Variants in NHSL2 observed in about 807,000 individuals in gnomAD.
The protein encoded by NHSL2 is NHS-like protein 2.
NHSL2 carries 27 observed loss-of-function variants against 53.4 expected under a neutral mutation model. The ratio of observed to expected loss-of-function variants is 0.51; its 90% CI spans 0.37 to 0.70. The LOEUF is 0.70. Among genes scored for constraint, NHSL2 ranks in the 30% least tolerant of loss-of-function variants. The probability of loss-of-function intolerance (pLI) is 0.00; values close to 1 mark genes in which losing one functional copy is unlikely to be tolerated. For synonymous variants in NHSL2, 408 were observed against 404.1 expected, an observed-to-expected ratio of 1.01 and a Z score of -0.12; for missense variants, 892 against 980.1, an observed-to-expected ratio of 0.91 and a Z score of 1.20.
chrX:72,069,378 C>T (rs2042452166), intron 1 of NHSL2, among the ~76,000 whole-genome samples: 1 of 91,323 alleles, frequency 1.1e-5, no homozygotes, highest in African/African-American at 4.4e-5. Flanking sequence ...GAGCACTGAG[C>T]AAGGGGGAGG....
chrX:71,989,348 C>CAAA (rs10625546), intron 1 of NHSL2, among the ~76,000 whole-genome samples: 7,644 of 53,393 alleles, frequency 0.14, 1,280 homozygotes, highest in African/African-American at 0.36. Flanking sequence ...GACTCCGTCT[C>CAAA]AAAAAAAAAA....
At position 72,138,630 on chromosome X, in the gene NHSL2, G is replaced by T; in HGVS notation, c.1082G>T (p.Gly361Val). 2 of 1,170,128 alleles carry T rather than the reference G, an allele frequency of 1.7e-6. No homozygotes were observed. Among genetic ancestry groups the T allele is most frequent in the Non-Finnish European group, 2.3e-6 (2 of 873,541 alleles). ...GACGAACCTCACCAGGCACGGAGTGGCCCAAACCCTCCTGGCATGGAGAGC... is the reference window on the plus strand; with the variant it reads ...GACGAACCTCACCAGGCACGGAGTGTCCCAAACCCTCCTGGCATGGAGAGC... ...EPDEPHQARS[G>V]PNPPGMESMG... Residue 361 changes from glycine (G) to valine (V), a missense_variant, in exon 6 of 8, where the codon GGC becomes GTC. Coordinates refer to ENST00000633930, the MANE Select transcript of NHSL2 (RefSeq NM_001013627.3).
rs10527333 is a variant in NHSL2, at chrX:71,951,005, T to TACACACACACACACACACACACACAC, written c.280+39648_280+39673dup. Among the ~76,000 whole-genome samples, 75 of 89,758 alleles carry TACACACACACACACACACACACACAC rather than the reference T, an allele frequency of 8.4e-4. 1 individual carries two copies. Among genetic ancestry groups the TACACACACACACACACACACACACAC allele is most frequent in the African/African-American group, 2.9e-3 (69 of 23,449 alleles). The allele number at this position is 89,758 out of a possible 115,157, so 77.9% of individuals were successfully genotyped here. On this transcript the variant is annotated intron_variant, in intron 1 of 7. Coordinates refer to ENST00000633930, the MANE Select transcript of NHSL2 (RefSeq NM_001013627.3). ...CATATTTGGACCCCAAAATACAAAA[T>TACACACACACACACACACACACACAC]ACACACACACACACACACACACACA... is the stretch of plus-strand genomic sequence containing the variant.
In NHSL2 at chrX:72,128,019, T is replaced by C. The variant is rs374553174; in HGVS notation, c.281-4060T>C. 3.6e-5 allele frequency: 4 copies of C among 112,558 alleles called. No individual in the cohort carries two copies. The East Asian group carries it at 1.1e-3, about 31-fold the overall frequency. The allele number at this position is 112,558 out of a possible 1,213,427, so 9.3% of individuals were successfully genotyped here. The stretch of plus-strand genomic sequence containing the variant: ...TTTTTGTCCTCATAGTTTTCTCTAT[T>C]TTCCAAACTTTCTTTAATGATTATG... On this transcript the variant is annotated intron_variant, in intron 1 of 7. Transcript: ENST00000633930.
chrX:72,102,105 T>C (rs938660558), intron 1 of NHSL2, among the ~76,000 whole-genome samples: 4 of 112,609 alleles, frequency 3.6e-5, no homozygotes, highest in African/African-American at 1.3e-4. Context: ...AGTAGCATTC[T>C]CTTGGACGGA....
At chrX:72,047,740 C>T (rs182357496) in intron 1 of NHSL2, among the ~76,000 whole-genome samples, 2 of 111,824 alleles carry the variant, frequency 1.8e-5, no homozygotes, top group Non-Finnish European at 3.8e-5. Context: ...TATGGTACAG[C>T]ATTGTGCCAA....
At chrX:72,078,495 A>G (rs1189109159) in intron 1 of NHSL2, among the ~76,000 whole-genome samples, 1 of 111,431 alleles carries the variant, frequency 9.0e-6, no homozygotes, top group Non-Finnish European at 1.9e-5. Context: ...CCTGACAAAC[A>G]TCTGACTCCC....
intron 1 of NHSL2, among the ~76,000 whole-genome samples, chrX:72,086,290 T>C (rs1054541082): frequency 1.8e-5 from 2 of 110,608 alleles, no homozygotes; most frequent in Admixed American, 1.9e-4. Flanking sequence ...GCCTCGTTGG[T>C]TAAACAAGGG....
intron 1 of NHSL2, among the ~76,000 whole-genome samples, chrX:72,001,082 G>C (rs1246313901): frequency 8.9e-6 from 1 of 112,013 alleles, no homozygotes; most frequent in Non-Finnish European, 1.9e-5. Flanking sequence ...TCTCCCTTTG[G>C]AGTAAGATGC....
chrX:72,069,631 A>AGAGGAG, intron 1 of NHSL2: 2 of 882,867 alleles, frequency 2.3e-6, no homozygotes, highest in Non-Finnish European at 1.4e-6. Context: ...AGGAGGAGAA[A>AGAGGAG]GAGGAGGAGG....
intron 1 of NHSL2, among the ~76,000 whole-genome samples, chrX:71,947,398 C>T (rs1042708750): frequency 3.6e-5 from 4 of 112,207 alleles, no homozygotes; most frequent in Admixed American, 9.4e-5. Flanking sequence ...TAGAATGAAC[C>T]GCATCAAATG....
chrX:72,005,714 T>C (rs1457276969), intron 1 of NHSL2, among the ~76,000 whole-genome samples: 1 of 111,591 alleles, frequency 9.0e-6, no homozygotes, highest in Non-Finnish European at 1.9e-5. Flanking sequence ...GTTTGCTTTA[T>C]AGAGATGTAA....
In NHSL2 at chrX:72,134,697, C is replaced by T; in HGVS notation, c.753C>T (p.Asn251=). Residue 251 remains asparagine, a synonymous_variant, in exon 4 of 8, where the codon AAC becomes AAT. Transcript: ENST00000633930. ...CSTQSDIVPI[N]ISGQQFDKHA... ...CGCAGTCTGACATTGTGCCCATCAA[C>T]ATCTCTGGTAGAGTTGCTTAGCACC... The T allele has an allele frequency of 1.7e-6, 2 of 1,161,292 alleles. No homozygotes were observed. Among genetic ancestry groups the T allele is most frequent in the Non-Finnish European group, 2.3e-6 (2 of 866,681 alleles).
chrX:71,915,944 G>A (rs1350759053), intron 1 of NHSL2, among the ~76,000 whole-genome samples: 1 of 112,380 alleles, frequency 8.9e-6, no homozygotes, highest in East Asian at 2.8e-4. Flanking sequence ...AGCTGGAGAG[G>A]AGAAAGGAAG....
chrX:72,053,382 G>A (rs900323605), intron 1 of NHSL2, among the ~76,000 whole-genome samples: 1 of 111,820 alleles, frequency 8.9e-6, no homozygotes, highest in African/African-American at 3.3e-5. Flanking sequence ...TATGACCTCT[G>A]GCACAGTTTC....
chrX:72,113,717 A>G (rs2042112242), intron 1 of NHSL2, among the ~76,000 whole-genome samples: 1 of 112,122 alleles, frequency 8.9e-6, no homozygotes, highest in South Asian at 3.7e-4. Context: ...GTTTTCCTAC[A>G]TTTCTCTTAT....
intron 1 of NHSL2, among the ~76,000 whole-genome samples, chrX:72,101,165 ACTCTGTGGCCCCAGAGCCACTGTG>A (rs2041989611): frequency 9.1e-6 from 1 of 109,639 alleles, no homozygotes; most frequent in Non-Finnish European, 1.9e-5. Context: ...TGAGATCTTA[ACTCTGTGGCCCCAGAGCCACTGTG>A]CTCCTGGGCG....
chrX:72,143,221 AACTC>A, intron 7 of NHSL2, 28 bp from the exon 8 acceptor site: 2 of 1,042,034 alleles, frequency 1.9e-6, no homozygotes, highest in Non-Finnish European at 2.6e-6. Flanking sequence ...CTGCTGCATT[AACTC>A]ACTCAGACCA....
Position 71,911,121 on chromosome X carries a change from C to A in NHSL2, c.34C>A (p.Arg12Ser), listed in dbSNP as rs756078762. ...PFYRRTVVPQ[R>S]LCPRNPPQQL... is the part of the protein sequence containing the mutation. ...CTACAGGCGCACGGTGGTACCCCAG[C>A]GCCTGTGCCCGCGCAACCCGCCGCA... Residue 12 changes from arginine to serine, a missense_variant, in exon 1 of 8, where the codon CGC becomes AGC. Coordinates refer to ENST00000633930, the MANE Select transcript of NHSL2 (RefSeq NM_001013627.3). 4 of 1,097,023 alleles carry A rather than the reference C, an allele frequency of 3.6e-6. No homozygotes were observed. The highest frequency in any genetic ancestry group is 2.2e-5 in the South Asian group (1 of 45,451). The allele number at this position is 1,097,023 out of a possible 1,213,427, so 90.4% of individuals were successfully genotyped here. A position where few individuals can be genotyped will look rare whatever the true frequency, so the allele number is the denominator to read the frequency against.
Sources: gnomAD v4.1 joint callset for allele counts (sites outside exome capture counted in the v4.1 genomes callset) on GRCh38, gnomAD v4.1.1 for gene constraint, MANE v1.5 for transcripts, NCBI Gene and HGNC (gene_info 2026-07-23, HGNC 2026-07-21) for gene names.